The following SLC14A2 variants were observed in gnomAD, a reference collection of about 807,000 sequenced individuals.
The protein encoded by SLC14A2 is urea transporter 2.
In SLC14A2, 91 loss-of-function variants were observed where a neutral mutation model predicts 104.6. That is an observed-to-expected ratio of 0.87 (90% CI 0.73 to 1.04). The LOEUF (loss-of-function observed/expected upper bound fraction) is 1.04. Among genes scored for constraint, SLC14A2 ranks in the 50% least tolerant of loss-of-function variants. The pLI, the probability that SLC14A2 is intolerant of heterozygous loss-of-function variation, is 0.00. For synonymous variants in SLC14A2, 476 were observed against 466.4 expected, an observed-to-expected ratio of 1.02 and a Z score of -0.27; for missense variants, 1,189 against 1,156.0, an observed-to-expected ratio of 1.03 and a Z score of -0.41.
chr18:45,342,621 G>C (rs1008845641), intron 1 of SLC14A2, among the ~76,000 whole-genome samples: 1 of 152,170 alleles, frequency 6.6e-6, no homozygotes. Flanking sequence ...CCCAAGAAAA[G>C]GTTATTGCTA....
At chr18:45,655,784 T>C (rs1451104727) in intron 10 of SLC14A2, among the ~76,000 whole-genome samples, 3 of 152,254 alleles carry the variant, frequency 2.0e-5, no homozygotes, top group African/African-American at 7.2e-5. Context: ...TCATTATTTT[T>C]TGGTAATTTT....
At chr18:45,505,395 A>G (rs962922785) in intron 2 of SLC14A2, among the ~76,000 whole-genome samples, 1 of 152,120 alleles carries the variant, frequency 6.6e-6, no homozygotes, top group African/African-American at 2.4e-5. Flanking sequence ...GTTGAAGAAT[A>G]TGGGAAAATG....
intron 2 of SLC14A2, among the ~76,000 whole-genome samples, chr18:45,608,173 C>T (rs531705196): frequency 6.6e-6 from 1 of 152,334 alleles, no homozygotes; most frequent in Admixed American, 6.5e-5. Context: ...CTATCTGGTA[C>T]AGGATGTGCT....
chr18:45,447,164 A>T (rs889677391), intron 1 of SLC14A2: 3 of 152,146 alleles, frequency 2.0e-5, no homozygotes, highest in Admixed American at 1.3e-4. Flanking sequence ...AGACTCAAGG[A>T]GGGAGTATCA....
At position 45,453,256 on chromosome 18, in the gene SLC14A2, G is replaced by A. The variant is rs945286349; in HGVS notation, c.-124-29977G>A. On this transcript the variant is annotated intron_variant, in intron 1 of 20. Transcript: ENST00000586448. ...TTTTCTTCCCTAGGGATGAATGGCA[G>A]GAGGCTCCCCTCTGCCTTTAGCTGT... is the stretch of plus-strand genomic sequence containing the variant. 7.9e-5 allele frequency among the ~76,000 whole-genome samples: 12 copies of A among 152,170 alleles called. 1 individual carries two copies. The highest frequency in any genetic ancestry group is 1.2e-4 in the Non-Finnish European group (8 of 68,036).
intron 2 of SLC14A2, among the ~76,000 whole-genome samples, chr18:45,579,886 G>A (rs970752564): frequency 2.0e-5 from 3 of 152,212 alleles, no homozygotes; most frequent in Admixed American, 6.5e-5. Flanking sequence ...GAAAGAGAGG[G>A]AGTGTGAACC....
intron 2 of SLC14A2, among the ~76,000 whole-genome samples, chr18:45,600,844 A>C (rs2044779789): frequency 6.6e-6 from 1 of 152,250 alleles, no homozygotes; most frequent in Admixed American, 6.5e-5. Context: ...AATTATTGTG[A>C]ATTTCAAGAT....
At chr18:45,268,858 A>G (rs985431804) in intron 1 of SLC14A2, among the ~76,000 whole-genome samples, 5 of 152,106 alleles carry the variant, frequency 3.3e-5, no homozygotes, top group Admixed American at 6.5e-5. Flanking sequence ...CCAGCAGGTT[A>G]GAGCAGCAAA....
chr18:45,588,925 G>A (rs2044608049), intron 2 of SLC14A2, among the ~76,000 whole-genome samples: 4 of 151,796 alleles, frequency 2.6e-5, no homozygotes, highest in Admixed American at 2.6e-4. Context: ...AAAGGGAGAG[G>A]AAGGTCTGTT....
chr18:45,353,943 G>A (rs2085526764), intron 1 of SLC14A2, among the ~76,000 whole-genome samples: 1 of 152,164 alleles, frequency 6.6e-6, no homozygotes, highest in Non-Finnish European at 1.5e-5. Context: ...TTAGCAAGAT[G>A]TATGGGGACT....
intron 1 of SLC14A2, among the ~76,000 whole-genome samples, chr18:45,436,196 T>C (rs1428954767): frequency 6.6e-6 from 1 of 152,200 alleles, no homozygotes; most frequent in Non-Finnish European, 1.5e-5. Flanking sequence ...TGAAAAAAAT[T>C]ACGTTGTTTA....
intron 1 of SLC14A2, among the ~76,000 whole-genome samples, chr18:45,269,126 A>G (rs557746732): frequency 3.4e-4 from 52 of 152,130 alleles, no homozygotes; most frequent in Middle Eastern, 3.4e-3. Flanking sequence ...TAAAACAATG[A>G]GAATGACCTG....
chr18:45,218,318 CCATATTGTAG>C (rs1430461089), intron 1 of SLC14A2, among the ~76,000 whole-genome samples: 1 of 152,136 alleles, frequency 6.6e-6, no homozygotes, highest in Admixed American at 6.6e-5. Flanking sequence ...TAAATTTCAT[CCATATTGTAG>C]CATATATCAG....
At chr18:45,386,903 C>A (rs1381280268) in intron 1 of SLC14A2, among the ~76,000 whole-genome samples, 2 of 152,222 alleles carry the variant, frequency 1.3e-5, no homozygotes, top group Non-Finnish European at 2.9e-5. Flanking sequence ...ACATGGTGAG[C>A]ACAGGCAGTA....
intron 1 of SLC14A2, among the ~76,000 whole-genome samples, chr18:45,466,907 TG>T (rs1433253896): frequency 6.6e-6 from 1 of 152,134 alleles, no homozygotes; most frequent in African/African-American, 2.4e-5. Context: ...TGGGCACATC[TG>T]TTAACAAAGC....
intron 18 of SLC14A2, among the ~76,000 whole-genome samples, chr18:45,676,573 A>T (rs1043128243): frequency 6.6e-6 from 1 of 151,744 alleles, no homozygotes; most frequent in African/African-American, 2.4e-5. Flanking sequence ...GTCTGATGAC[A>T]TTTTTCTGTG....
chr18:45,356,679 G>A (rs1241617945), intron 1 of SLC14A2, among the ~76,000 whole-genome samples: 2 of 152,206 alleles, frequency 1.3e-5, no homozygotes, highest in African/African-American at 4.8e-5. Context: ...AATATTTAGT[G>A]GCCTGTATCA....
In SLC14A2 at chr18:45,236,591, GA is replaced by G. The variant is rs1334802903; in HGVS notation, c.-125+23405del. On this transcript the variant is annotated intron_variant, in intron 1 of 20. Transcript: ENST00000586448. Reference sequence around the variant, plus strand: ...TATGTATATATACATATATATATGGGAAAAAGTATATATTCATGTGTGTGTA... The same window carrying G: ...TATGTATATATACATATATATATGGGAAAAGTATATATTCATGTGTGTGTA... 1.2e-4 allele frequency among the ~76,000 whole-genome samples: 17 copies of G among 146,342 alleles called. 2 individuals carry two copies. The highest frequency in any genetic ancestry group is 3.5e-4 in the Admixed American group (5 of 14,310).
At position 45,682,453 on chromosome 18, in the gene SLC14A2, C is replaced by A; in HGVS notation, c.2697C>A (p.Tyr899Ter). 6.2e-7 allele frequency: 1 copy of A among 1,614,182 alleles called. No individual in the cohort carries two copies. The highest frequency in any genetic ancestry group is 8.5e-7 in the Non-Finnish European group (1 of 1,180,014). ...ACCCAGAGGCCAACCGCATCTACTACCTGTCCCAGGAGAGAAACAGAAGGG... is the reference window on the plus strand; with the variant it reads ...ACCCAGAGGCCAACCGCATCTACTAACTGTCCCAGGAGAGAAACAGAAGGG... The part of the protein sequence containing the change: ...VTYPEANRIY[Y>*]LSQERNRRAS... The change falls in exon 20 of 20, where the codon TAC (tyrosine) becomes TAA (stop). Residue 899 changes from tyrosine to a stop codon, truncating the protein, a stop_gained. Coordinates refer to ENST00000255226, the MANE Select transcript of SLC14A2 (RefSeq NM_007163.4). LOFTEE classifies it high-confidence loss of function.
Sources: allele counts gnomAD v4.1 joint callset (sites outside exome capture counted in the v4.1 genomes callset), GRCh38; gene constraint gnomAD v4.1.1; transcripts MANE v1.5; gene names NCBI Gene and HGNC (gene_info 2026-07-23, HGNC 2026-07-21).